Variants in CDH18 observed in about 807,000 individuals in gnomAD.
The protein encoded by CDH18 is cadherin 18, also known as cadherin-18.
CDH18 carries 31 observed loss-of-function variants against 67.9 expected under a neutral mutation model. The ratio of observed to expected loss-of-function variants is 0.46; its 90% CI spans 0.34 to 0.62. The LOEUF (loss-of-function observed/expected upper bound fraction) is 0.62, where lower values mean the gene tolerates loss of function less well. CDH18 is among the 20% of genes least tolerant of loss of function. The pLI is 0.01. For synonymous variants in CDH18, 362 were observed against 347.2 expected (o/e 1.04, Z -0.48); for missense variants, 890 against 975.5 (o/e 0.91, Z 1.17).
intron 2 of CDH18, among the ~76,000 whole-genome samples, chr5:19,967,132 G>A (rs529227651): frequency 6.6e-6 from 1 of 152,018 alleles, no homozygotes; most frequent in African/African-American, 2.4e-5. Flanking sequence ...AAAGGAAAGT[G>A]AGAATGAATG....
At chr5:19,913,457 A>T (rs1791387476) in intron 2 of CDH18, among the ~76,000 whole-genome samples, 1 of 152,158 alleles carries the variant, frequency 6.6e-6, no homozygotes, top group Non-Finnish European at 1.5e-5. Context: ...CAAGGTTGTA[A>T]ATTTTCAGTT....
intron 3 of CDH18, among the ~76,000 whole-genome samples, chr5:19,781,557 T>G (rs892840640): frequency 1.3e-5 from 2 of 152,196 alleles, no homozygotes; most frequent in Admixed American, 1.3e-4. Flanking sequence ...AAGTTCTAAC[T>G]AATCTTGTGG....
At chr5:19,945,502 T>C (rs1422864098) in intron 2 of CDH18, among the ~76,000 whole-genome samples, 2 of 152,052 alleles carry the variant, frequency 1.3e-5, no homozygotes, top group African/African-American at 4.8e-5. Flanking sequence ...GAGGGAGACA[T>C]CCACAATCTG....
At chr5:19,492,749 G>T (rs994924653) in intron 11 of CDH18, among the ~76,000 whole-genome samples, 1 of 151,956 alleles carries the variant, frequency 6.6e-6, no homozygotes, top group South Asian at 2.1e-4. Context: ...TATTATAAAA[G>T]AAAAACCCTT....
At chr5:20,526,666 C>T (rs1446031829) in intron 1 of CDH18, among the ~76,000 whole-genome samples, 2 of 151,994 alleles carry the variant, frequency 1.3e-5, no homozygotes, top group African/African-American at 2.4e-5. Flanking sequence ...GAAAAGAGGC[C>T]TGACTGTTAG....
chr5:20,077,009 T>C (rs1476421491), intron 2 of CDH18, among the ~76,000 whole-genome samples: 1 of 152,118 alleles, frequency 6.6e-6, no homozygotes, highest in Non-Finnish European at 1.5e-5. Flanking sequence ...CAAATTCCAG[T>C]TGGTTGAATT....
At chr5:20,431,504 A>AAAAAAAAAAAAAAAAAAAAAAAAAGAAG (rs536468948) in intron 1 of CDH18, among the ~76,000 whole-genome samples, 3 of 138,742 alleles carry the variant, frequency 2.2e-5, no homozygotes, top group Non-Finnish European at 4.6e-5. Context: ...AAAAAAAAAA[A>AAAAAAAAAAAAAAAAAAAAAAAAAGAAG]AAGAAGAAGA....
rs761772368 is a variant in CDH18, at chr5:19,543,857, A to G, written c.1390+12T>C. 1.3e-6 allele frequency: 2 copies of G among 1,562,220 alleles called. No individual in the cohort carries two copies. Among genetic ancestry groups the G allele is most frequent in the Admixed American group, 1.8e-5 (1 of 55,950 alleles). ...AGTGACATCTTTTACTGTGATACAT[A>G]AAGTAGTTTACCAATTTCTGAAGCA... On this transcript the variant is annotated intron_variant, in intron 9 of 12. Transcript: ENST00000382275.
chr5:19,715,748 A>C (rs1765264041), intron 5 of CDH18, among the ~76,000 whole-genome samples: 3 of 152,054 alleles, frequency 2.0e-5, no homozygotes, highest in African/African-American at 7.2e-5. Context: ...TTACTACTTC[A>C]GATAAGACTA....
chr5:19,484,939 T>C (rs1280040376), intron 11 of CDH18, among the ~76,000 whole-genome samples: 1 of 152,204 alleles, frequency 6.6e-6, no homozygotes, highest in Non-Finnish European at 1.5e-5. Context: ...ACAATTACAA[T>C]TAGGGCCTCT....
intron 2 of CDH18, among the ~76,000 whole-genome samples, chr5:20,095,315 G>T (rs1195208680): frequency 5.1e-5 from 1 of 19,428 alleles, no homozygotes; most frequent in East Asian, 1.5e-3. Flanking sequence ...AAGAAAGAAA[G>T]AAAGAAAGAA....
Position 20,422,017 on chromosome 5 carries a change from G to T in CDH18, c.-580+153445C>A, listed in dbSNP as rs182127193. On this transcript the variant is annotated intron_variant, in intron 1 of 14. Coordinates refer to the CDH18 transcript ENST00000507958. ...TCTTTTTCGTGGACAAGTTAATTAG[G>T]GAGGCATTTTTATAGTAATGACACA... is the stretch of plus-strand genomic sequence containing the variant. 7.1e-3 allele frequency among the ~76,000 whole-genome samples: 1,078 copies of T among 150,806 alleles called. 9 individuals carry two copies. The highest frequency in any genetic ancestry group is 0.024 in the Middle Eastern group (7 of 292).
intron 3 of CDH18, among the ~76,000 whole-genome samples, chr5:19,753,951 C>A (rs929612470): frequency 3.9e-5 from 6 of 152,138 alleles, no homozygotes; most frequent in Non-Finnish European, 7.4e-5. Flanking sequence ...CACTACCAAG[C>A]CACCACTACA....
intron 3 of CDH18, among the ~76,000 whole-genome samples, chr5:19,747,745 T>G (rs1157654703): frequency 2.0e-5 from 1 of 50,872 alleles, no homozygotes; most frequent in African/African-American, 5.1e-5. Context: ...CACAGTCATG[T>G]GTTTAATAAT....
chr5:20,222,977 ATTT>A (rs1372034295), intron 2 of CDH18, among the ~76,000 whole-genome samples: 1 of 152,054 alleles, frequency 6.6e-6, no homozygotes, highest in Non-Finnish European at 1.5e-5. Context: ...TCCTAGATTT[ATTT>A]TTATTATATA....
At chr5:19,637,198 CTGA>C (rs1465127861) in intron 5 of CDH18, among the ~76,000 whole-genome samples, 1 of 126,180 alleles carries the variant, frequency 7.9e-6, no homozygotes, top group African/African-American at 3.0e-5. Flanking sequence ...TTTCTTTCTT[CTGA>C]TTTTTAATTT....
chr5:19,551,416 C>G (rs1475642714), intron 8 of CDH18, among the ~76,000 whole-genome samples: 1 of 152,098 alleles, frequency 6.6e-6, no homozygotes, highest in Non-Finnish European at 1.5e-5. Flanking sequence ...GATAATCACT[C>G]CAGGTTTGAA....
chr5:19,556,715 G>A (rs2127180324), intron 8 of CDH18, among the ~76,000 whole-genome samples: 1 of 152,214 alleles, frequency 6.6e-6, no homozygotes, highest in East Asian at 1.9e-4. Flanking sequence ...GGGAATAATT[G>A]CAGAAAACTT....
At chr5:19,791,455 C>A (rs1440888038) in intron 3 of CDH18, among the ~76,000 whole-genome samples, 2 of 151,650 alleles carry the variant, frequency 1.3e-5, no homozygotes, top group East Asian at 3.9e-4. Flanking sequence ...AAGTTGTATG[C>A]AAATTCAAAA....
Sources: gnomAD v4.1 joint callset for allele counts (sites outside exome capture counted in the v4.1 genomes callset) on GRCh38, gnomAD v4.1.1 for gene constraint, MANE v1.5 for transcripts, NCBI Gene and HGNC (gene_info 2026-07-23, HGNC 2026-07-21) for gene names.